The following GALNT14 variants were observed in gnomAD, a reference collection of about 807,000 sequenced individuals.
The protein encoded by GALNT14 is polypeptide N-acetylgalactosaminyltransferase 14, also known as UDP-GalNAc:polypeptide N-acetylgalactosaminyltransferase 14.
Under a neutral mutation model 77.5 loss-of-function variants are expected in GALNT14, and 60 were observed. The ratio of observed to expected loss-of-function variants is 0.77; its 90% CI spans 0.63 to 0.96. GALNT14 has a LOEUF of 0.96. GALNT14 is among the 40% of genes least tolerant of loss of function. The pLI is 0.00. For synonymous variants in GALNT14, 280 were observed against 281.7 expected, an observed-to-expected ratio of 0.99 and a Z score of 0.06; for missense variants, 710 against 731.0, an observed-to-expected ratio of 0.97 and a Z score of 0.33.
chr2:30,899,674 T>C, the GALNT14 span, among the ~76,000 whole-genome samples: 3 of 152,186 alleles, frequency 2.0e-5, no homozygotes, highest in Middle Eastern at 3.2e-3. Context: ...AATCTACTGC[T>C]GTGAAATAAT....
At chr2:31,133,242 T>C (rs932362463) in intron 1 of GALNT14, among the ~76,000 whole-genome samples, 18 of 152,208 alleles carry the variant, frequency 1.2e-4, no homozygotes, top group African/African-American at 4.3e-4. Context: ...ATACATTGGC[T>C]CTGTCTAGGA....
chr2:31,121,477 C>T (rs1255505274), intron 1 of GALNT14, among the ~76,000 whole-genome samples: 1 of 152,138 alleles, frequency 6.6e-6, no homozygotes, highest in Non-Finnish European at 1.5e-5. Context: ...GAACAAAGTC[C>T]CCAGTGAGTG....
intron 13 of GALNT14, among the ~76,000 whole-genome samples, chr2:30,917,787 A>G (rs1280928079): frequency 1.3e-5 from 2 of 152,264 alleles, no homozygotes; most frequent in Admixed American, 1.3e-4. Context: ...TTGATTCTGA[A>G]CTTGGCCTCT....
At chr2:30,937,334 C>G (rs1666114942) in intron 9 of GALNT14, among the ~76,000 whole-genome samples, 1 of 152,222 alleles carries the variant, frequency 6.6e-6, no homozygotes, top group Non-Finnish European at 1.5e-5. Flanking sequence ...TCCACTGTTG[C>G]AATAACAAAT....
intron 1 of GALNT14, among the ~76,000 whole-genome samples, chr2:31,050,201 T>C (rs1321766944): frequency 1.3e-5 from 2 of 152,226 alleles, no homozygotes; most frequent in Non-Finnish European, 2.9e-5. Context: ...GGCCTCTCGC[T>C]AAACCTGAAG....
intron 1 of GALNT14, among the ~76,000 whole-genome samples, chr2:31,040,543 G>A (rs976398285): frequency 6.6e-6 from 1 of 152,170 alleles, no homozygotes; most frequent in East Asian, 1.9e-4. Context: ...TCTCAGAAGG[G>A]ACTAGATGCT....
At chr2:30,905,337 T>A in the GALNT14 span, among the ~76,000 whole-genome samples, 3,151 of 151,526 alleles carry the variant, frequency 0.021, 118 homozygotes, top group African/African-American at 0.072. Flanking sequence ...AATGTATAAC[T>A]AGAATAACCA....
chr2:31,062,305 C>T lies in GALNT14; in HGVS notation c.130-69298G>A, dbSNP rs559744598. Among the ~76,000 whole-genome samples the T allele has an allele frequency of 1.4e-3, 215 of 152,272 alleles. 1 individual carries two copies. Among genetic ancestry groups the T allele is most frequent in the Admixed American group, 2.2e-3 (34 of 15,298 alleles). On this transcript the variant is annotated intron_variant, in intron 1 of 14. Transcript: ENST00000349752. ...TTCAACTCCCACTTATGACTGAGAA[C>T]ATGTGGTGTTTGGTTTTCTGTTCCT... is the stretch of plus-strand genomic sequence containing the variant.
intron 2 of GALNT14, among the ~76,000 whole-genome samples, chr2:30,971,624 G>A (rs1668361766): frequency 6.6e-6 from 1 of 152,154 alleles, no homozygotes; most frequent in African/African-American, 2.4e-5. Flanking sequence ...CCAGGCTCTG[G>A]AGCATTCAGT....
chr2:31,023,911 A>G (rs945180322), intron 1 of GALNT14, among the ~76,000 whole-genome samples: 8 of 151,996 alleles, frequency 5.3e-5, no homozygotes, highest in Admixed American at 2.6e-4. Context: ...GTGACTCCCA[A>G]ATTTATATCT....
intron 3 of GALNT14, 25 bp from the exon 4 acceptor site, chr2:30,958,489 T>A (rs1237340903): frequency 6.2e-6 from 10 of 1,601,308 alleles, no homozygotes; most frequent in Non-Finnish European, 8.6e-6. Context: ...CAGAAAAAAA[T>A]CACTGGAACT....
intron 2 of GALNT14, among the ~76,000 whole-genome samples, chr2:30,990,720 C>T (rs1302088570): frequency 6.6e-6 from 1 of 152,198 alleles, no homozygotes; most frequent in Non-Finnish European, 1.5e-5. Flanking sequence ...TTCTCAATCA[C>T]CTGACCTTTC....
At chr2:31,011,146 C>T (rs1200076935) in intron 1 of GALNT14, among the ~76,000 whole-genome samples, 1 of 152,214 alleles carries the variant, frequency 6.6e-6, no homozygotes, top group Non-Finnish European at 1.5e-5. Flanking sequence ...TCTCTGTGAC[C>T]TTGGGAAGTG....
At chr2:31,111,425 T>C (rs1340801928) in intron 1 of GALNT14, among the ~76,000 whole-genome samples, 1 of 152,272 alleles carries the variant, frequency 6.6e-6, no homozygotes, top group African/African-American at 2.4e-5. Flanking sequence ...ATTTGTTCAC[T>C]GAATCAACAA....
rs943397319 is a variant in GALNT14 at position 31,004,133 on chromosome 2, A to G, written c.130-11126T>C. 7.2e-5 allele frequency among the ~76,000 whole-genome samples: 11 copies of G among 152,348 alleles called. No homozygotes were observed. The South Asian group carries it at 1.7e-3, about 23-fold the overall frequency. ...TCCTACCCACACGCTTTATTTCTGC[A>G]TCCCCTTCTCTTTGTGTTCAGAGAC... On this transcript the variant is annotated intron_variant, in intron 1 of 14. Coordinates refer to ENST00000349752, the MANE Select transcript of GALNT14 (RefSeq NM_024572.4).
chr2:30,993,445 C>G (rs977399969), intron 1 of GALNT14, among the ~76,000 whole-genome samples: 1 of 152,222 alleles, frequency 6.6e-6, no homozygotes, highest in African/African-American at 2.4e-5. Context: ...CTGAGAATAC[C>G]TGGTATGAAA....
At position 30,942,276 on chromosome 2, in the gene GALNT14, C is replaced by T. The variant is rs199705312; in HGVS notation, c.856G>A (p.Val286Met). The T allele has an allele frequency of 9.0e-5, 145 of 1,613,926 alleles. No individual in the cohort carries two copies. Among genetic ancestry groups the T allele is most frequent in the Non-Finnish European group, 1.1e-4 (134 of 1,179,960 alleles). The change falls in exon 9 of 15, where the codon GTG (valine) becomes ATG (methionine). Residue 286 changes from valine (V) to methionine (M), a missense_variant. Transcript: ENST00000349752. ...RTPIIAGGLF[V>M]IDKAWFDYLG... ...TAATCAAACCAAGCTTTGTCGATCACGAAGAGCCCTCCAGCTATGATAGGA... is the reference window on the plus strand; with the variant it reads ...TAATCAAACCAAGCTTTGTCGATCATGAAGAGCCCTCCAGCTATGATAGGA...
chr2:31,072,619 G>GCATC (rs1466214993), intron 1 of GALNT14, among the ~76,000 whole-genome samples: 1 of 152,080 alleles, frequency 6.6e-6, no homozygotes, highest in African/African-American at 2.4e-5. Flanking sequence ...GGACAACTAA[G>GCATC]TCCAATTCCA....
intron 13 of GALNT14, among the ~76,000 whole-genome samples, chr2:30,922,283 G>A (rs1665080061): frequency 6.6e-6 from 1 of 152,262 alleles, no homozygotes; most frequent in African/African-American, 2.4e-5. Context: ...CCTCTCCTGA[G>A]ATCTCATAGC....
Sources: gnomAD v4.1 joint callset for allele counts (sites outside exome capture counted in the v4.1 genomes callset) on GRCh38, gnomAD v4.1.1 for gene constraint, MANE v1.5 for transcripts, NCBI Gene and HGNC (gene_info 2026-07-23, HGNC 2026-07-21) for gene names.